The following CTDP1 variants were observed in gnomAD, a reference collection of about 807,000 sequenced individuals.
CTDP1 encodes the protein RNA polymerase II subunit A C-terminal domain phosphatase.
CTDP1 carries 47 observed loss-of-function variants against 91.8 expected under a neutral mutation model. The ratio of observed to expected loss-of-function variants is 0.51; its 90% CI spans 0.41 to 0.65. CTDP1 has a LOEUF of 0.65. Ranked by LOEUF, CTDP1 falls within the 30% of genes least tolerant of loss-of-function variation. The probability of loss-of-function intolerance (pLI) is 0.00; values close to 1 mark genes in which losing one functional copy is unlikely to be tolerated. For missense variants in CTDP1, 1,272 were observed against 1,373.7 expected, an observed-to-expected ratio of 0.93 and a Z score of 1.17; for synonymous variants, 656 against 598.5, an observed-to-expected ratio of 1.10 and a Z score of -1.40.
chr18:79,753,916 C>A lies in CTDP1; in HGVS notation c.*126C>A. 1 of 1,275,754 alleles carries A rather than the reference C, an allele frequency of 7.8e-7. No individual in the cohort carries two copies. Among genetic ancestry groups the A allele is most frequent in the Non-Finnish European group, 1.1e-6 (1 of 913,206 alleles). 79.0% of individuals were successfully genotyped at this position (1,275,754 alleles called of 1,614,324 possible). Reference sequence around the variant, plus strand: ...AAGGACATGTATATTTGCAGAGCTCCACATACAGAAACACATTATTTTGCA... The same window carrying A: ...AAGGACATGTATATTTGCAGAGCTCAACATACAGAAACACATTATTTTGCA... On this transcript the variant is annotated 3_prime_UTR_variant, in exon 13 of 13. Coordinates refer to ENST00000613122, the MANE Select transcript of CTDP1 (RefSeq NM_004715.5).
At chr18:79,729,175 G>A (rs532876730) in intron 11 of CTDP1, 106 bp downstream of exon 11, 1 of 1,407,920 alleles carries the variant, frequency 7.1e-7, no homozygotes, top group East Asian at 2.3e-5. Flanking sequence ...GGCCGAGCTA[G>A]AGTCCTGCAC....
At chr18:79,686,645 T>A (rs185284159) in intron 1 of CTDP1, among the ~76,000 whole-genome samples, 1 of 152,382 alleles carries the variant, frequency 6.6e-6, no homozygotes, top group African/African-American at 2.4e-5. Context: ...AGACAGTAAT[T>A]TCCCTACGGT....
chr18:79,714,426 C>T, intron 7 of CTDP1, 65 bp from the exon 8 acceptor site: 1 of 1,574,454 alleles, frequency 6.4e-7, no homozygotes, highest in Non-Finnish European at 8.7e-7. Flanking sequence ...GCTGCTTTAA[C>T]TTGGAACGTT....
chr18:79,715,823 G>A (rs922801167), intron 8 of CTDP1, among the ~76,000 whole-genome samples: 2 of 152,326 alleles, frequency 1.3e-5, no homozygotes, highest in Middle Eastern at 3.4e-3. Flanking sequence ...GGGAATCAGC[G>A]ATAGGGACGT....
chr18:79,755,171 G>T (rs376836735), downstream of CTDP1: 3 of 152,296 alleles, frequency 2.0e-5, no homozygotes, highest in African/African-American at 7.2e-5. Context: ...AAGATGCGGC[G>T]ACATGGTGGC....
At chr18:79,746,767 C>T (rs1353073442) in intron 12 of CTDP1, among the ~76,000 whole-genome samples, 1 of 152,180 alleles carries the variant, frequency 6.6e-6, no homozygotes, top group Non-Finnish European at 1.5e-5. Flanking sequence ...CAGGTGCGCA[C>T]CACCATGCCT....
intron 4 of CTDP1, among the ~76,000 whole-genome samples, chr18:79,703,941 G>A (rs1004820918): frequency 6.6e-6 from 1 of 151,958 alleles, no homozygotes; most frequent in East Asian, 1.9e-4. Context: ...TATCCTAGGC[G>A]GGTCGTTGCA....
rs143453422 is a variant in CTDP1 at position 79,717,988 on chromosome 18, C to T, written c.2389C>T (p.Pro797Ser). ...GCCCCCAGCACCCTCCAGCTCCCTA[C>T]CCATCCGCCAGGAGCCCTCTTCCTT... is the stretch of plus-strand genomic sequence containing the variant. ...RGPPAPSSSL[P>S]IRQEPSSFRA... is the part of the protein sequence containing the mutation. The change falls in exon 10 of 13, where the codon CCC (proline) becomes TCC (serine). Residue 797 changes from proline (P) to serine (S), a missense_variant. Pro to Ser is a moderately conservative substitution (Grantham distance 74). Coordinates refer to ENST00000613122, the MANE Select transcript of CTDP1 (RefSeq NM_004715.5). 1.2e-4 allele frequency: 194 copies of T among 1,613,356 alleles called. No individual in the cohort carries two copies. The highest frequency in any genetic ancestry group is 1.6e-4 in the Non-Finnish European group (187 of 1,179,956).
In CTDP1 at chr18:79,753,906, T is replaced by G; in HGVS notation, c.*116T>G. Reference sequence around the variant, plus strand: ...TTTCTTCCCAAAGGACATGTATATTTGCAGAGCTCCACATACAGAAACACA... The same window carrying G: ...TTTCTTCCCAAAGGACATGTATATTGGCAGAGCTCCACATACAGAAACACA... On this transcript the variant is annotated 3_prime_UTR_variant, in exon 13 of 13. Transcript: ENST00000613122. The G allele has an allele frequency of 7.3e-7, 1 of 1,367,820 alleles. No homozygotes were observed. The highest frequency in any genetic ancestry group is 1.3e-5 in the South Asian group (1 of 78,716). The allele number at this position is 1,367,820 out of a possible 1,614,324, so 84.7% of individuals were successfully genotyped here. A position where few individuals can be genotyped will look rare whatever the true frequency, so the allele number is the denominator to read the frequency against.
intron 11 of CTDP1, among the ~76,000 whole-genome samples, chr18:79,732,740 TAAG>T (rs978138444): frequency 1.4e-4 from 20 of 146,882 alleles, no homozygotes; most frequent in African/African-American, 4.4e-4. Context: ...TCACGAGACA[TAAG>T]AACTCACTGT....
At chr18:79,715,814 G>T (rs928762151) in intron 8 of CTDP1, among the ~76,000 whole-genome samples, 2 of 152,268 alleles carry the variant, frequency 1.3e-5, no homozygotes, top group East Asian at 3.9e-4. Flanking sequence ...TGGAAAACAG[G>T]GAATCAGCGA....
chr18:79,731,237 AG>A (rs2122747761), intron 11 of CTDP1, among the ~76,000 whole-genome samples: 1 of 152,282 alleles, frequency 6.6e-6, no homozygotes, highest in East Asian at 1.9e-4. Context: ...GCAGCCCGTC[AG>A]GGGGCCTTTG....
intron 11 of CTDP1, among the ~76,000 whole-genome samples, chr18:79,733,598 T>C (rs960933715): frequency 1.5e-4 from 22 of 151,156 alleles, no homozygotes; most frequent in African/African-American, 5.3e-4. Flanking sequence ...TTACCTCGTT[T>C]CTGCGTGTTC....
chr18:79,750,149 A>G (rs1278725336), intron 12 of CTDP1, among the ~76,000 whole-genome samples: 1 of 151,894 alleles, frequency 6.6e-6, no homozygotes, highest in Non-Finnish European at 1.5e-5. Flanking sequence ...CGAGGTGTGC[A>G]GAGGGGAAGC....
chr18:79,736,906 T>TGTG (rs1555684249), intron 12 of CTDP1, among the ~76,000 whole-genome samples: 137,502 of 150,028 alleles, frequency 0.92, 64,076 homozygotes, highest in South Asian at 1. Flanking sequence ...GTTCTGCAGG[T>TGTG]GGGGGGTCTG....
At chr18:79,702,005 G>C (rs769217950) in intron 4 of CTDP1, among the ~76,000 whole-genome samples, 3 of 152,224 alleles carry the variant, frequency 2.0e-5, no homozygotes, top group African/African-American at 7.2e-5. Flanking sequence ...AAGATGCTGC[G>C]AATGTTGTTG....
chr18:79,739,437 G>A (rs565922305), intron 12 of CTDP1, among the ~76,000 whole-genome samples: 11 of 151,678 alleles, frequency 7.3e-5, no homozygotes, highest in Non-Finnish European at 1.2e-4. Context: ...ACCTGCGCAC[G>A]GCAGAACTGA....
At chr18:79,728,844 C>T (rs2086505490) in intron 10 of CTDP1, 63 bp from the exon 11 acceptor site, 13 of 1,522,818 alleles carry the variant, frequency 8.5e-6, no homozygotes, top group African/African-American at 1.4e-5. Flanking sequence ...GAGTCTGATT[C>T]GGTGCGGAAA....
intron 12 of CTDP1, among the ~76,000 whole-genome samples, chr18:79,738,700 A>G (rs1366119261): frequency 6.6e-6 from 1 of 152,264 alleles, no homozygotes. Flanking sequence ...AGATGCAGAC[A>G]AGACAAGATA....
Sources: gnomAD v4.1 joint callset for allele counts (sites outside exome capture counted in the v4.1 genomes callset) on GRCh38, gnomAD v4.1.1 for gene constraint, MANE v1.5 for transcripts, NCBI Gene and HGNC (gene_info 2026-07-23, HGNC 2026-07-21) for gene names.